MECR: variants seen among roughly 807,000 people sequenced by gnomAD.
MECR encodes enoyl-[acyl-carrier-protein] reductase, mitochondrial.
MECR carries 37 observed loss-of-function variants against 49.1 expected under a neutral mutation model. The ratio of observed to expected loss-of-function variants is 0.75; its 90% CI spans 0.58 to 0.99. The LOEUF (loss-of-function observed/expected upper bound fraction) is 0.99, where lower values mean the gene tolerates loss of function less well. Among genes scored for constraint, MECR ranks in the 50% least tolerant of loss-of-function variants. The pLI is 0.00. For synonymous variants in MECR, 198 were observed against 191.1 expected (o/e 1.04, Z -0.30); for missense variants, 470 against 479.6 (o/e 0.98, Z 0.19).
At chr1:29,175,462 G>C in the MECR span, among the ~76,000 whole-genome samples, 1 of 151,258 alleles carries the variant, frequency 6.6e-6, no homozygotes, top group Admixed American at 6.6e-5. Flanking sequence ...TTGGGAGGCC[G>C]AGGCGGGTGG....
chr1:29,169,048 T>C, the MECR span: 1 of 152,370 alleles, frequency 6.6e-6, no homozygotes, highest in Non-Finnish European at 1.5e-5. Context: ...TGCAGCCCAC[T>C]AGGACTCTTC....
chr1:29,190,292 G>A (rs1300114120), downstream of MECR, among the ~76,000 whole-genome samples: 13 of 151,918 alleles, frequency 8.6e-5, no homozygotes, highest in East Asian at 5.8e-4. Flanking sequence ...GGAAAATGGC[G>A]TGAACCCGGG....
At chr1:29,190,237 C>T (rs1286671397), downstream of MECR, among the ~76,000 whole-genome samples, 3 of 151,934 alleles carry the variant, frequency 2.0e-5, no homozygotes, top group African/African-American at 7.3e-5. Context: ...TAGCCAGGCG[C>T]GGTGGCAGGC....
intron 3 of MECR, among the ~76,000 whole-genome samples, chr1:29,210,185 G>C (rs546058761): frequency 6.6e-6 from 1 of 152,050 alleles, no homozygotes; most frequent in Non-Finnish European, 1.5e-5. Context: ...TAATTTTTTT[G>C]TATTTTTTAG....
the MECR span, among the ~76,000 whole-genome samples, chr1:29,187,634 C>T: frequency 6.6e-6 from 1 of 151,848 alleles, no homozygotes; most frequent in Non-Finnish European, 1.5e-5. Flanking sequence ...GAGTCTCACT[C>T]TGTCACCCAG....
At chr1:29,181,036 CTCTTGCAGAGGGAACGGTGAAGGCT>C in the MECR span, among the ~76,000 whole-genome samples, 1 of 152,322 alleles carries the variant, frequency 6.6e-6, no homozygotes, top group Admixed American at 6.5e-5. Flanking sequence ...CTTTAATTTA[CTCTTGCAGAGGGAACGGTGAAGGCT>C]TTCAGCACGG....
chr1:29,210,675 G>C (rs1044112154), intron 3 of MECR, among the ~76,000 whole-genome samples: 2 of 152,182 alleles, frequency 1.3e-5, no homozygotes, highest in African/African-American at 4.8e-5. Flanking sequence ...CGTGGTCAGA[G>C]ACAAGGGCTT....
chr1:29,211,469 T>C (rs970027360), intron 3 of MECR, among the ~76,000 whole-genome samples: 3 of 152,270 alleles, frequency 2.0e-5, no homozygotes, highest in African/African-American at 7.2e-5. Flanking sequence ...AAAGATGATA[T>C]AGCCTACGAA....
Position 29,201,314 on chromosome 1 carries a change from G to A in MECR, c.756+629C>T. On this transcript the variant is annotated intron_variant, in intron 6 of 9. Coordinates refer to ENST00000263702, the MANE Select transcript of MECR (RefSeq NM_016011.5). This position sits in a 1 kb window ranked among gnomAD's most constrained non-coding sequence, Gnocchi z 4.3. ...TCGCAAGAAGCGCATGCTCTTGAGT[G>A]TGTGTCTTTGGTTCCTCCAGATGGT... 1 of 509,948 alleles carries A rather than the reference G, an allele frequency of 2.0e-6. No homozygotes were observed. The highest frequency in any genetic ancestry group is 4.0e-6 in the Non-Finnish European group (1 of 251,984). The allele number at this position is 509,948 out of a possible 1,614,324, so 31.6% of individuals were successfully genotyped here. A position where few individuals can be genotyped will look rare whatever the true frequency, so the allele number is the denominator to read the frequency against.
intron 1 of MECR, among the ~76,000 whole-genome samples, chr1:29,220,080 T>C (rs1680391148): frequency 6.6e-6 from 1 of 151,890 alleles, no homozygotes; most frequent in African/African-American, 2.4e-5. Context: ...TTCTCACTAG[T>C]GAGAAAATGT....
At chr1:29,191,688 C>A (rs1293300645), downstream of MECR, among the ~76,000 whole-genome samples, 1 of 152,188 alleles carries the variant, frequency 6.6e-6, no homozygotes, top group Non-Finnish European at 1.5e-5. Context: ...GAGGGCAATG[C>A]AGACCTTTCC....
Position 29,208,802 on chromosome 1 carries a change from T to C in MECR, c.407-1897A>G, listed in dbSNP as rs1049635787. Among the ~76,000 whole-genome samples, 11 of 151,794 alleles carry C rather than the reference T, an allele frequency of 7.2e-5. No homozygotes were observed. In the East Asian group the frequency reaches 1.9e-3, roughly 27 times the overall value. ...TTTCATTCTAGTGGAGTCGAACAGG[T>C]GAAAAAAAGCAGATATGATAATGAT... On this transcript the variant is annotated intron_variant, in intron 3 of 9. Coordinates refer to ENST00000263702, the MANE Select transcript of MECR (RefSeq NM_016011.5).
chr1:29,226,587 A>T (rs1331362013), intron 1 of MECR, among the ~76,000 whole-genome samples: 1 of 152,182 alleles, frequency 6.6e-6, no homozygotes, highest in African/African-American at 2.4e-5. Flanking sequence ...TAAAATATTT[A>T]AAAAAGTTTA....
chr1:29,218,629 T>C (rs570436183), intron 1 of MECR, among the ~76,000 whole-genome samples: 1 of 152,252 alleles, frequency 6.6e-6, no homozygotes, highest in South Asian at 2.1e-4. Context: ...TCCCAGCACT[T>C]TGGGAGGCTG....
rs144310696 is a variant in MECR, at chr1:29,202,167, T to C, written c.654-122A>G. On this transcript the variant is annotated intron_variant, in intron 5 of 9. Transcript: ENST00000263702. Reference sequence around the variant, plus strand: ...TTTTTGCAGGAAGCTGGGATTAGGTTTAAGCCAGGCTTGAGCAGGGACCAG... The same window carrying C: ...TTTTTGCAGGAAGCTGGGATTAGGTCTAAGCCAGGCTTGAGCAGGGACCAG... 6.6e-4 allele frequency: 551 copies of C among 840,384 alleles called. 5 individuals carry two copies. The African/African-American group carries it at 8.1e-3, about 12-fold the overall frequency. 52.1% of individuals were successfully genotyped at this position (840,384 alleles called of 1,614,324 possible).
chr1:29,230,793 G>T lies in MECR; in HGVS notation c.114C>A (p.Ala38=). 1 of 1,605,652 alleles carries T rather than the reference G, an allele frequency of 6.2e-7. No homozygotes were observed. The highest frequency in any genetic ancestry group is 8.5e-7 in the Non-Finnish European group (1 of 1,176,898). The change falls in exon 1 of 10, where the codon GCC becomes GCA. Residue 38 remains alanine, a synonymous_variant. Transcript: ENST00000263702. ...GPAASSYSAS[A]EPARVRALVY... is the part of the protein sequence containing the mutation. The stretch of plus-strand genomic sequence containing the variant: ...CAAGCGCCCGGACCCGGGCAGGCTC[G>T]GCGGATGCGGAGTAGGAGGAGGCGG...
At chr1:29,229,451 C>T (rs1346999999) in intron 1 of MECR, among the ~76,000 whole-genome samples, 3 of 152,188 alleles carry the variant, frequency 2.0e-5, no homozygotes, top group African/African-American at 7.2e-5. Flanking sequence ...GTGATCCACC[C>T]GCCTCAGTCT....
chr1:29,216,005 C>A lies in MECR; in HGVS notation c.406G>T (p.Gly136Ter). 2 of 1,613,976 alleles carry A rather than the reference C, an allele frequency of 1.2e-6. No homozygotes were observed. The highest frequency in any genetic ancestry group is 1.1e-5 in the South Asian group (1 of 91,066). ...DWVIPANAGLGTWRTEAVFSE... is the reference protein window; with the variant it reads ...DWVIPANAGL ...GCAGCTGACACCTGGAGAAACTCACCTAAACCAGCATTTGCTGGAATCACC... is the reference window on the plus strand; with the variant it reads ...GCAGCTGACACCTGGAGAAACTCACATAAACCAGCATTTGCTGGAATCACC... Residue 136 changes from glycine to a stop codon, truncating the protein, a stop_gained and splice_region_variant, in exon 3 of 10, where the codon GGA becomes TGA. Transcript: ENST00000263702. LOFTEE classifies it high-confidence loss of function.
At chr1:29,217,127 CAAAAAAAA>C (rs1195549293) in intron 1 of MECR, among the ~76,000 whole-genome samples, 5 of 47,288 alleles carry the variant, frequency 1.1e-4, no homozygotes, top group African/African-American at 4.4e-4. Flanking sequence ...GACTTTGTCT[CAAAAAAAA>C]AAAAAAAAAA....
Sources: gnomAD v4.1 joint callset for allele counts (sites outside exome capture counted in the v4.1 genomes callset) on GRCh38, gnomAD v4.1.1 for gene constraint, Gnocchi (gnomAD v3.1) non-coding constraint, MANE v1.5 for transcripts, NCBI Gene and HGNC (gene_info 2026-07-23, HGNC 2026-07-21) for gene names.